The following NWD2 variants were observed in gnomAD, a reference collection of about 807,000 sequenced individuals.
NWD2 encodes NACHT and WD repeat domain-containing protein 2.
In NWD2, 37 loss-of-function variants were observed where a neutral mutation model predicts 132.7. That is an observed-to-expected ratio of 0.28 (90% CI 0.21 to 0.37). NWD2 has a LOEUF of 0.37. Ranked by LOEUF, NWD2 falls within the 10% of genes least tolerant of loss-of-function variation. The pLI, the probability that NWD2 is intolerant of heterozygous loss-of-function variation, is 1.00. For missense variants in NWD2, 1,592 were observed against 2,122.4 expected (o/e 0.75, Z 4.91); for synonymous variants, 705 against 803.0 (o/e 0.88, Z 2.06).
intron 2 of NWD2, among the ~76,000 whole-genome samples, chr4:37,329,074 A>T (rs753631335): frequency 1.3e-5 from 2 of 152,104 alleles, no homozygotes; most frequent in Non-Finnish European, 1.5e-5. Context: ...CCCAGCCCAG[A>T]TATAACTTGC....
chr4:37,322,493 G>A (rs1339184490), intron 1 of NWD2, among the ~76,000 whole-genome samples: 1 of 152,210 alleles, frequency 6.6e-6, no homozygotes, highest in Non-Finnish European at 1.5e-5. Flanking sequence ...GTGAAAGCCA[G>A]TGCTTCTGGA....
At chr4:37,396,052 T>C (rs1056677547) in intron 3 of NWD2, among the ~76,000 whole-genome samples, 9 of 152,192 alleles carry the variant, frequency 5.9e-5, no homozygotes, top group African/African-American at 2.2e-4. Flanking sequence ...CCTTCTCCTA[T>C]GTGTCCTCAA....
intron 1 of NWD2, among the ~76,000 whole-genome samples, chr4:37,261,665 A>C (rs546231200): frequency 2.6e-5 from 4 of 152,342 alleles, no homozygotes; most frequent in Non-Finnish European, 4.4e-5. Context: ...CATAGCCCCT[A>C]CTTTCATGGT....
chr4:37,272,261 T>G (rs1717888218), intron 1 of NWD2, among the ~76,000 whole-genome samples: 1 of 151,732 alleles, frequency 6.6e-6, no homozygotes, highest in Non-Finnish European at 1.5e-5. Context: ...TGTTCTGTAG[T>G]TTTCTCATAA....
intron 3 of NWD2, among the ~76,000 whole-genome samples, chr4:37,364,693 C>CACAA (rs1029554331): frequency 2.1e-5 from 1 of 47,764 alleles, no homozygotes; most frequent in African/African-American, 6.7e-5. Context: ...CCTCCACTTA[C>CACAA]ACACACACAC....
At chr4:37,376,698 G>T (rs1720356113) in intron 3 of NWD2, among the ~76,000 whole-genome samples, 1 of 151,988 alleles carries the variant, frequency 6.6e-6, no homozygotes. Context: ...CATGTTTATT[G>T]TCAGTATTAA....
At chr4:37,270,972 G>T (rs1434554764) in intron 1 of NWD2, among the ~76,000 whole-genome samples, 1 of 151,800 alleles carries the variant, frequency 6.6e-6, no homozygotes, top group Non-Finnish European at 1.5e-5. Context: ...TTATCTGGTT[G>T]TCCTTGTGCC....
intron 1 of NWD2, among the ~76,000 whole-genome samples, chr4:37,264,689 G>T (rs191996341): frequency 6.6e-6 from 1 of 152,068 alleles, no homozygotes; most frequent in Non-Finnish European, 1.5e-5. Context: ...TCTTTATTCT[G>T]TAAGAAAATC....
At chr4:37,314,127 A>G (rs759383224) in intron 1 of NWD2, among the ~76,000 whole-genome samples, 22 of 152,256 alleles carry the variant, frequency 1.4e-4, no homozygotes, top group Non-Finnish European at 2.4e-4. Context: ...ACATTAAAGT[A>G]ACATTGCATT....
At chr4:37,306,417 ATTTGAAATATT>A (rs766092638) in intron 1 of NWD2, among the ~76,000 whole-genome samples, 11 of 152,012 alleles carry the variant, frequency 7.2e-5, no homozygotes, top group Admixed American at 1.3e-4. Flanking sequence ...GAGGTTGTTT[ATTTGAAATATT>A]TCTACTTTTT....
intron 2 of NWD2, among the ~76,000 whole-genome samples, chr4:37,343,634 C>CTA (rs1719575149): frequency 1.3e-5 from 2 of 152,138 alleles, no homozygotes; most frequent in Admixed American, 6.5e-5. Context: ...CATATTATCT[C>CTA]TATAGTTTTT....
chr4:37,344,625 C>T (rs1719594970), intron 2 of NWD2, among the ~76,000 whole-genome samples: 1 of 152,080 alleles, frequency 6.6e-6, no homozygotes, highest in South Asian at 2.1e-4. Flanking sequence ...ACATTTTTTA[C>T]CCTGATCATT....
rs1577703222 is a variant in NWD2 at position 37,439,831 on chromosome 4, C to T, written c.1296+441C>T. 6.6e-6 allele frequency among the ~76,000 whole-genome samples: 1 copy of T among 152,222 alleles called. No individual in the cohort carries two copies. Among genetic ancestry groups the T allele is most frequent in the East Asian group, 1.9e-4 (1 of 5,200 alleles). ...CCTTTCTTCCCCATCTGGGGCCTCT[C>T]ATAAACAAGGCACCTACAGTGGGAA... On this transcript the variant is annotated intron_variant, in intron 6 of 6. Transcript: ENST00000309447. The surrounding 1 kb of genome is among the most constrained non-coding windows in gnomAD (Gnocchi z 4.5).
intron 1 of NWD2, among the ~76,000 whole-genome samples, chr4:37,312,126 C>G (rs1278567934): frequency 6.6e-6 from 1 of 151,122 alleles, no homozygotes; most frequent in Non-Finnish European, 1.5e-5. Flanking sequence ...TTTTTTGGTT[C>G]CATATGAACT....
rs76432540 is a variant in NWD2 at position 37,417,492 on chromosome 4, T to C, written c.358-13080T>C. Among the ~76,000 whole-genome samples, 961 of 152,262 alleles carry C rather than the reference T, an allele frequency of 6.3e-3. 3 individuals carry two copies. Among genetic ancestry groups the C allele is most frequent in the Middle Eastern group, 0.014 (4 of 294 alleles). The stretch of plus-strand genomic sequence containing the variant: ...GTATATAACAAATGTATAAAAATAG[T>C]TGCATCTTTGGAAGGAGGAGGGGAA... On this transcript the variant is annotated intron_variant, in intron 3 of 6. Transcript: ENST00000309447.
intron 1 of NWD2, among the ~76,000 whole-genome samples, chr4:37,249,373 A>G (rs1717306955): frequency 6.6e-6 from 1 of 152,182 alleles, no homozygotes; most frequent in South Asian, 2.1e-4. Context: ...TATGGTTTTA[A>G]CTCTGGGCAA....
chr4:37,339,495 A>G (rs1288870508), intron 2 of NWD2, among the ~76,000 whole-genome samples: 2 of 152,202 alleles, frequency 1.3e-5, no homozygotes, highest in Non-Finnish European at 2.9e-5. Context: ...TTTGCTGAGC[A>G]TGTATTTCTG....
chr4:37,310,349 T>G (rs1167536056), intron 1 of NWD2, among the ~76,000 whole-genome samples: 1 of 152,258 alleles, frequency 6.6e-6, no homozygotes, highest in Admixed American at 6.5e-5. Context: ...GTTTGCAAAT[T>G]TATTTACCTT....
At chr4:37,296,596 A>C (rs1289243407) in intron 1 of NWD2, among the ~76,000 whole-genome samples, 5 of 152,090 alleles carry the variant, frequency 3.3e-5, no homozygotes, top group Non-Finnish European at 7.4e-5. Context: ...AGGAGTAGAA[A>C]CCCAAAGATC....
Sources: gnomAD v4.1 joint callset for allele counts (sites outside exome capture counted in the v4.1 genomes callset) on GRCh38, gnomAD v4.1.1 for gene constraint, Gnocchi (gnomAD v3.1) non-coding constraint, MANE v1.5 for transcripts, NCBI Gene and HGNC (gene_info 2026-07-23, HGNC 2026-07-21) for gene names.